PHF14: variants seen among roughly 807,000 people sequenced by gnomAD.
PHF14 encodes PHD finger protein 14.
PHF14 carries 55 observed loss-of-function variants against 117.9 expected under a neutral mutation model. The observed-to-expected ratio is 0.47, with a 90% CI of 0.38 to 0.58. The LOEUF is 0.58. Among genes scored for constraint, PHF14 ranks in the 20% least tolerant of loss-of-function variants. The pLI, the probability that PHF14 is intolerant of heterozygous loss-of-function variation, is 0.00. For synonymous variants in PHF14, 409 were observed against 368.6 expected (o/e 1.11, Z -1.26); for missense variants, 978 against 1,122.2 (o/e 0.87, Z 1.84).
chr7:11,124,199 A>G lies in PHF14; in HGVS notation c.2772+12732A>G, dbSNP rs550864258. Among the ~76,000 whole-genome samples, 39 of 152,274 alleles carry G rather than the reference A, an allele frequency of 2.6e-4. No individual in the cohort carries two copies. The South Asian group carries it at 8.1e-3, about 32-fold the overall frequency. On this transcript the variant is annotated intron_variant, in intron 17 of 17. Coordinates refer to ENST00000634607, the MANE Select transcript of PHF14 (RefSeq NM_001007157.2). The stretch of plus-strand genomic sequence containing the variant: ...TAAACATAAAGAAGTATTTTAAATT[A>G]TCTGCAATTTAGCACCTAAAGATAC...
intron 5 of PHF14, among the ~76,000 whole-genome samples, chr7:11,021,478 T>C (rs1225934900): frequency 6.6e-6 from 1 of 152,104 alleles, no homozygotes; most frequent in African/African-American, 2.4e-5. Flanking sequence ...ACATGAGTGG[T>C]TGGGAGAATG....
intron 1 of PHF14, 141 bp downstream of exon 1, chr7:10,974,465 A>G (rs1468115876): frequency 1.3e-6 from 1 of 756,480 alleles, no homozygotes; most frequent in Non-Finnish European, 2.3e-6. Context: ...GTCCGCGGGA[A>G]TGAAGCCCGC....
intron 4 of PHF14, among the ~76,000 whole-genome samples, chr7:11,007,195 CA>C (rs1038994255): frequency 2.0e-4 from 28 of 142,870 alleles, no homozygotes; most frequent in South Asian, 2.2e-4. Context: ...CTCCGTCTCA[CA>C]AAAAAAAAAG....
chr7:11,152,173 T>C (rs6975761), intron 17 of PHF14, among the ~76,000 whole-genome samples: 2,177 of 152,262 alleles, frequency 0.014, 46 homozygotes, highest in African/African-American at 0.05. Context: ...TCAGTATCCA[T>C]TGAGCAAAAA....
intron 16 of PHF14, among the ~76,000 whole-genome samples, chr7:11,065,200 A>G (rs1785383818): frequency 6.6e-6 from 1 of 152,042 alleles, no homozygotes; most frequent in South Asian, 2.1e-4. Flanking sequence ...TTAAAATTTA[A>G]TTAGAAATTA....
intron 17 of PHF14, among the ~76,000 whole-genome samples, chr7:11,112,388 C>A (rs1299980564): frequency 4.6e-5 from 7 of 152,042 alleles, no homozygotes; most frequent in Non-Finnish European, 7.4e-5. Context: ...CCACAGAGGC[C>A]TTCTGCAAAA....
In PHF14 at chr7:11,130,502, G is replaced by T. The variant is rs1250258343; in HGVS notation, c.2772+19035G>T. 1.3e-5 allele frequency among the ~76,000 whole-genome samples: 2 copies of T among 151,664 alleles called. No individual in the cohort carries two copies. Among genetic ancestry groups the T allele is most frequent in the African/African-American group, 2.4e-5 (1 of 41,342 alleles). On this transcript the variant is annotated intron_variant, in intron 17 of 17. Transcript: ENST00000634607. This position sits in a 1 kb window ranked among gnomAD's most constrained non-coding sequence, Gnocchi z 4.2. Reference sequence around the variant, plus strand: ...AAAATAGCCTTTTGGTAGTATTTTTGATTTTTTTGTTTCTTTTTGAGCAGT... The same window carrying T: ...AAAATAGCCTTTTGGTAGTATTTTTTATTTTTTTGTTTCTTTTTGAGCAGT...
chr7:11,028,627 T>C, intron 6 of PHF14, 54 bp from the exon 7 acceptor site: 9 of 1,555,828 alleles, frequency 5.8e-6, no homozygotes, highest in Non-Finnish European at 7.1e-6. Flanking sequence ...GAGAATGCAG[T>C]CTTTAGTCTG....
chr7:11,101,083 T>C (rs1787069221), intron 16 of PHF14, among the ~76,000 whole-genome samples: 1 of 151,920 alleles, frequency 6.6e-6, no homozygotes, highest in South Asian at 2.1e-4. Context: ...TTTTTTGTCC[T>C]GGGAAGATAG....
intron 16 of PHF14, among the ~76,000 whole-genome samples, chr7:11,083,612 C>T (rs1786257850): frequency 6.6e-6 from 1 of 151,876 alleles, no homozygotes; most frequent in South Asian, 2.1e-4. Context: ...AGGTGCCCGC[C>T]ACTACGCCCG....
intron 16 of PHF14, chr7:11,107,087 G>A (rs1787294317): frequency 1.0e-6 from 1 of 983,382 alleles, no homozygotes; most frequent in East Asian, 1.1e-4. Context: ...GTTTTAAAAA[G>A]TAGTTGTAGT....
intron 4 of PHF14, among the ~76,000 whole-genome samples, chr7:11,005,100 G>T (rs1049907419): frequency 1.3e-5 from 2 of 149,218 alleles, no homozygotes; most frequent in African/African-American, 4.9e-5. Flanking sequence ...AATTTTAAAG[G>T]TTTTTTTTTT....
chr7:11,109,355 T>G (rs1170229865), intron 16 of PHF14: 2 of 151,758 alleles, frequency 1.3e-5, no homozygotes, highest in Admixed American at 6.6e-5. Context: ...GACACACTGC[T>G]AGACCTGTAG....
chr7:11,163,989 A>G (rs945739863), intron 17 of PHF14, among the ~76,000 whole-genome samples: 2 of 152,240 alleles, frequency 1.3e-5, no homozygotes, highest in Admixed American at 6.5e-5. Flanking sequence ...CACTTTTAAA[A>G]GAAACATTAT....
intron 17 of PHF14, among the ~76,000 whole-genome samples, chr7:11,135,403 A>G (rs1760012595): frequency 6.6e-6 from 1 of 152,140 alleles, no homozygotes; most frequent in Non-Finnish European, 1.5e-5. Context: ...GGTGAAAAAT[A>G]TATTTGTAAA....
chr7:11,144,034 A>AC (rs1201083552), intron 17 of PHF14, among the ~76,000 whole-genome samples: 3 of 152,050 alleles, frequency 2.0e-5, no homozygotes, highest in African/African-American at 7.2e-5. Flanking sequence ...CAGCAAAAAA[A>AC]CCCCAAATAG....
chr7:11,082,726 T>C (rs944542986), intron 16 of PHF14, among the ~76,000 whole-genome samples: 11 of 152,210 alleles, frequency 7.2e-5, no homozygotes, highest in Non-Finnish European at 1.3e-4. Context: ...TTATCACACA[T>C]AGTACTTCCA....
rs1788995754 is a variant in PHF14 at position 11,160,656 on chromosome 7, T to G, written c.2773-8760T>G. Among the ~76,000 whole-genome samples the G allele has an allele frequency of 5.3e-5, 8 of 152,332 alleles. No individual in the cohort carries two copies. The South Asian group carries it at 1.7e-3, about 32-fold the overall frequency. On this transcript the variant is annotated intron_variant, in intron 17 of 17. Transcript: ENST00000634607. ...GAGATAATATCTTTTTGATTTGCATTTCGCTGACAATTAGCGATGTTGAGC... is the reference window on the plus strand; with the variant it reads ...GAGATAATATCTTTTTGATTTGCATGTCGCTGACAATTAGCGATGTTGAGC...
intron 11 of PHF14, 137 bp from the exon 12 acceptor site, chr7:11,040,535 C>T (rs1784468438): frequency 4.9e-6 from 2 of 404,586 alleles, no homozygotes; most frequent in East Asian, 7.5e-5. Context: ...ATCCTTTTTG[C>T]CAATGTAAAA....
Sources: gnomAD v4.1 joint callset for allele counts (sites outside exome capture counted in the v4.1 genomes callset) on GRCh38, gnomAD v4.1.1 for gene constraint, Gnocchi (gnomAD v3.1) non-coding constraint, MANE v1.5 for transcripts, NCBI Gene and HGNC (gene_info 2026-07-23, HGNC 2026-07-21) for gene names.